ACSL3: variants seen among roughly 807,000 people sequenced by gnomAD.
The protein encoded by ACSL3 is fatty acid CoA ligase Acsl3.
A neutral mutation model predicts 84.7 loss-of-function variants in ACSL3; 34 were observed. The ratio of observed to expected loss-of-function variants is 0.40; its 90% CI spans 0.31 to 0.53. The LOEUF is 0.53. Among genes scored for constraint, ACSL3 ranks in the 20% least tolerant of loss-of-function variants. The pLI, the probability that ACSL3 is intolerant of heterozygous loss-of-function variation, is 0.48. For missense variants in ACSL3, 680 were observed against 873.1 expected, an observed-to-expected ratio of 0.78 and a Z score of 2.79; for synonymous variants, 315 against 299.4, an observed-to-expected ratio of 1.05 and a Z score of -0.54.
chr2:222,879,312 T>G (rs1695533418), intron 1 of ACSL3, among the ~76,000 whole-genome samples: 1 of 152,052 alleles, frequency 6.6e-6, no homozygotes, highest in Admixed American at 6.6e-5. Context: ...AGCGAGACTG[T>G]CTCAAAAAAA....
chr2:222,912,278 A>G (rs1399682147), intron 4 of ACSL3, among the ~76,000 whole-genome samples: 3 of 152,208 alleles, frequency 2.0e-5, no homozygotes, highest in East Asian at 1.9e-4. Flanking sequence ...CAGAGTGGGT[A>G]TCTCAGCTGC....
chr2:222,930,524 A>T, intron 13 of ACSL3, 97 bp from the exon 14 acceptor site: 1 of 1,082,990 alleles, frequency 9.2e-7, no homozygotes, highest in Non-Finnish European at 1.3e-6. Context: ...GGAAGTTCTA[A>T]TTGGATTAAA....
chr2:222,884,370 C>A (rs1695670847), intron 1 of ACSL3, among the ~76,000 whole-genome samples: 1 of 152,182 alleles, frequency 6.6e-6, no homozygotes, highest in Non-Finnish European at 1.5e-5. Flanking sequence ...CAAATCACCA[C>A]AGACTGGGAG....
At chr2:222,925,435 C>T (rs1696854012) in intron 11 of ACSL3, among the ~76,000 whole-genome samples, 1 of 151,348 alleles carries the variant, frequency 6.6e-6, no homozygotes, top group Non-Finnish European at 1.5e-5. Flanking sequence ...AGCAAGATTC[C>T]TTCTCTGCTT....
At chr2:222,911,989 CAG>C (rs1696450933) in intron 4 of ACSL3, among the ~76,000 whole-genome samples, 1 of 152,134 alleles carries the variant, frequency 6.6e-6, no homozygotes. Context: ...TTCTATATGT[CAG>C]AAGATCTGCC....
At chr2:222,936,746 A>C (rs1697181153) in intron 16 of ACSL3, among the ~76,000 whole-genome samples, 1 of 152,052 alleles carries the variant, frequency 6.6e-6, no homozygotes, top group South Asian at 2.1e-4. Flanking sequence ...TAATTGACTC[A>C]CAGTTCTGCA....
chr2:222,939,595 T>C (rs1191075344), intron 16 of ACSL3, among the ~76,000 whole-genome samples: 1 of 152,210 alleles, frequency 6.6e-6, no homozygotes, highest in Non-Finnish European at 1.5e-5. Flanking sequence ...AGTCAGAATA[T>C]TGGATGTGTG....
chr2:222,881,556 G>A (rs557099228), intron 1 of ACSL3, among the ~76,000 whole-genome samples: 11 of 152,140 alleles, frequency 7.2e-5, no homozygotes, highest in East Asian at 3.9e-4. Context: ...CACTCTTGTC[G>A]CCCAGGCTGG....
rs540897467 is a variant in ACSL3, at chr2:222,871,941, T to G, written c.-207+10683T>G. 5.9e-5 allele frequency among the ~76,000 whole-genome samples: 9 copies of G among 152,242 alleles called. No homozygotes were observed. The South Asian group carries it at 1.5e-3, about 25-fold the overall frequency. The stretch of plus-strand genomic sequence containing the variant: ...TCTGCTTTATCTGTGGCATTACTGC[T>G]CTTGTGGCATTCCCCCCCACCCCCG... On this transcript the variant is annotated intron_variant, in intron 1 of 16. Coordinates refer to ENST00000357430, the MANE Select transcript of ACSL3 (RefSeq NM_004457.5).
chr2:222,883,453 G>C (rs897598788), intron 1 of ACSL3, among the ~76,000 whole-genome samples: 1 of 152,132 alleles, frequency 6.6e-6, no homozygotes, highest in Non-Finnish European at 1.5e-5. Context: ...AAAGTGCTGA[G>C]ATTACAGGCG....
chr2:222,930,769 G>C lies in ACSL3; in HGVS notation c.1689G>C (p.Gly563=). ...DENGQRWLCT[G]DIGEFEPDGC... ...ATGGACAAAGGTGGCTCTGTACTGG[G>C]GATATTGGAGAGTTTGAACCCGATG... Residue 563 remains glycine (G), a synonymous_variant, in exon 14 of 17, where the codon GGG becomes GGC. Transcript: ENST00000357430. The C allele has an allele frequency of 6.2e-7, 1 of 1,613,636 alleles. No individual in the cohort carries two copies. Among genetic ancestry groups the C allele is most frequent in the Non-Finnish European group, 8.5e-7 (1 of 1,179,850 alleles).
At chr2:222,928,708 C>T (rs528122831) in intron 12 of ACSL3, among the ~76,000 whole-genome samples, 154 bp from the exon 13 acceptor site, 19 of 151,116 alleles carry the variant, frequency 1.3e-4, no homozygotes, top group Non-Finnish European at 2.1e-4. Context: ...ACAGGCCTCA[C>T]GGCCTGTGCT....
chr2:222,936,358 T>C (rs1012011741), intron 16 of ACSL3, among the ~76,000 whole-genome samples: 2 of 152,210 alleles, frequency 1.3e-5, no homozygotes, highest in African/African-American at 4.8e-5. Flanking sequence ...TTAATGACTA[T>C]TGATTTACAT....
chr2:222,864,248 C>G (rs554743277), intron 1 of ACSL3, among the ~76,000 whole-genome samples: 1 of 152,176 alleles, frequency 6.6e-6, no homozygotes, highest in Non-Finnish European at 1.5e-5. Context: ...AAGTGTTCAG[C>G]TGGAGCTGCC....
intron 3 of ACSL3, among the ~76,000 whole-genome samples, chr2:222,902,525 C>G (rs1696178335): frequency 6.6e-6 from 1 of 152,194 alleles, no homozygotes; most frequent in African/African-American, 2.4e-5. Context: ...CTTGTTTGTA[C>G]ATGCCATTCA....
intron 1 of ACSL3, among the ~76,000 whole-genome samples, chr2:222,870,243 C>A (rs1401407758): frequency 1.3e-5 from 2 of 151,542 alleles, no homozygotes; most frequent in Non-Finnish European, 2.9e-5. Context: ...ATATTTATTT[C>A]TTAGGTGTCT....
Position 222,941,473 on chromosome 2 carries a change from T to TC in ACSL3, c.2006-24_2006-23insC, listed in dbSNP as rs559614547. On this transcript the variant is annotated intron_variant, in intron 16 of 16. Transcript: ENST00000357430. ...TAAGAACTTAAATACCTTTTCTTCTTTTCTTTTTTTTTAATCATCTTAGCA... is the reference window on the plus strand; with the variant it reads ...TAAGAACTTAAATACCTTTTCTTCTTCTTCTTTTTTTTTAATCATCTTAGCA... The TC allele has an allele frequency of 5.8e-4, 747 of 1,280,814 alleles. 1 individual carries two copies. Among genetic ancestry groups the TC allele is most frequent in the South Asian group, 8.6e-4 (61 of 70,964 alleles). The allele number at this position is 1,280,814 out of a possible 1,614,324, so 79.3% of individuals were successfully genotyped here. A position where few individuals can be genotyped will look rare whatever the true frequency, so the allele number is the denominator to read the frequency against.
rs893558146 is a variant in ACSL3 at position 222,924,478 on chromosome 2, A to G, written c.1175A>G (p.Lys392Arg). 1.2e-6 allele frequency: 2 copies of G among 1,606,790 alleles called. No individual in the cohort carries two copies. The highest frequency in any genetic ancestry group is 1.3e-5 in the African/African-American group (1 of 74,712). Residue 392 changes from lysine (K) to arginine (R), a missense_variant, in exon 11 of 17, where the codon AAA (lysine) becomes AGA (arginine). Lys to Arg is a conservative substitution (Grantham distance 26). This residue lies in a region of ACSL3 where 347 missense variants were observed against 525.7 expected (regional missense o/e 0.66). Transcript: ENST00000357430. ...AVPEIMDRIY[K>R]NVMNKVSEMS... ...TAGGAAATCATGGATCGGATCTACA[A>G]AAATGTCATGAATAAAGTCAGTGAA...
rs71408540 is a variant in ACSL3, at chr2:222,882,761, G to GTTTTTTTTT, written c.-206-5058_-206-5050dup. ...TTGTCTGGAATACCTCCAGATCACT[G>GTTTTTTTTT]TTTTTTTTTTTTTTTTTTTGAAGAC... On this transcript the variant is annotated intron_variant, in intron 1 of 16. Coordinates refer to ENST00000357430, the MANE Select transcript of ACSL3 (RefSeq NM_004457.5). 2.3e-4 allele frequency among the ~76,000 whole-genome samples: 27 copies of GTTTTTTTTT among 119,970 alleles called. 1 individual carries two copies. Among genetic ancestry groups the GTTTTTTTTT allele is most frequent in the African/African-American group, 6.6e-4 (21 of 31,912 alleles). 78.7% of individuals were successfully genotyped at this position (119,970 alleles called of 152,430 possible).
Sources: gnomAD v4.1 joint callset for allele counts (sites outside exome capture counted in the v4.1 genomes callset) on GRCh38, gnomAD v4.1.1 for gene constraint, gnomAD v4.1.1 regional missense constraint, MANE v1.5 for transcripts, NCBI Gene and HGNC (gene_info 2026-07-23, HGNC 2026-07-21) for gene names.